The following MRPL42 variants were observed in gnomAD, a reference collection of about 807,000 sequenced individuals.
MRPL42 encodes the protein mitochondrial ribosomal protein L42.
MRPL42 carries 17 observed loss-of-function variants against 17.9 expected under a neutral mutation model. That is an observed-to-expected ratio of 0.95 (90% CI 0.65 to 1.42). MRPL42 has a LOEUF of 1.42. Among genes scored for constraint, MRPL42 ranks in the 40% most tolerant of loss-of-function variants. The pLI, the probability that MRPL42 is intolerant of heterozygous loss-of-function variation, is 0.00. For synonymous variants in MRPL42, 59 were observed against 54.4 expected (o/e 1.08, Z -0.37); for missense variants, 177 against 175.2 (o/e 1.01, Z -0.06).
chr12:93,475,754 G>A (rs61934321), intron 2 of MRPL42, among the ~76,000 whole-genome samples: 22,204 of 152,010 alleles, frequency 0.15, 2,144 homozygotes, highest in Non-Finnish European at 0.21. Flanking sequence ...GGAGGCCGAG[G>A]CAGGTGGATC....
intron 2 of MRPL42, among the ~76,000 whole-genome samples, chr12:93,473,845 G>A (rs1354826539): frequency 2.0e-5 from 3 of 152,180 alleles, no homozygotes; most frequent in Admixed American, 1.3e-4. Context: ...TGGTATTACA[G>A]GCGTGAGCCA....
rs567085867 is a variant in MRPL42, at chr12:93,475,152, TC to T, written c.71-1801del. ...TTTTTTTTGAGATGAAGTCTCACTC[TC>T]GCCCAGGCTGGAGTGCAATGGCACG... is the stretch of plus-strand genomic sequence containing the variant. On this transcript the variant is annotated intron_variant, in intron 2 of 5. Coordinates refer to ENST00000549982, the MANE Select transcript of MRPL42 (RefSeq NM_014050.4). Among the ~76,000 whole-genome samples, 472 of 151,960 alleles carry T rather than the reference TC, an allele frequency of 3.1e-3. 5 individuals carry two copies. Among genetic ancestry groups the T allele is most frequent in the African/African-American group, 0.011 (458 of 41,468 alleles).
intron 5 of MRPL42, among the ~76,000 whole-genome samples, chr12:93,494,730 C>T (rs991736757): frequency 6.6e-6 from 1 of 152,144 alleles, no homozygotes; most frequent in African/African-American, 2.4e-5. Context: ...GGACGAGATT[C>T]CTGTCCTAGA....
chr12:93,479,901 ATTTC>A (rs758162360), intron 4 of MRPL42, among the ~76,000 whole-genome samples: 2 of 144,696 alleles, frequency 1.4e-5, no homozygotes, highest in Non-Finnish European at 3.0e-5. Context: ...CATTTGGTGA[ATTTC>A]TTTATTTTTA....
intron 5 of MRPL42, among the ~76,000 whole-genome samples, chr12:93,494,691 A>G (rs1953463459): frequency 1.3e-5 from 2 of 152,186 alleles, no homozygotes; most frequent in African/African-American, 4.8e-5. Flanking sequence ...AGTCATCATC[A>G]CACAGATGGT....
intron 2 of MRPL42, among the ~76,000 whole-genome samples, chr12:93,471,372 C>G (rs1449420595): frequency 6.6e-6 from 1 of 152,064 alleles, no homozygotes; most frequent in African/African-American, 2.4e-5. Context: ...CCATGTTGGC[C>G]AGGCTGGTCT....
At chr12:93,482,896 C>CTT (rs11347110) in intron 4 of MRPL42, among the ~76,000 whole-genome samples, 1 of 145,912 alleles carries the variant, frequency 6.9e-6, no homozygotes, top group Non-Finnish European at 1.5e-5. Context: ...CAATCTGGTT[C>CTT]TTTTTTTTTT....
intron 2 of MRPL42, among the ~76,000 whole-genome samples, chr12:93,472,448 C>T (rs923435871): frequency 2.6e-5 from 4 of 152,038 alleles, no homozygotes; most frequent in African/African-American, 7.2e-5. Context: ...AGGTGGTACA[C>T]GCCTGTGGTC....
At chr12:93,487,380 C>T in intron 4 of MRPL42, 117 bp from the exon 5 acceptor site, 2 of 831,656 alleles carry the variant, frequency 2.4e-6, no homozygotes. Context: ...ACTTATTTGC[C>T]CACCCTAAAG....
Position 93,515,982 on chromosome 12 carries a change from G to C in MRPL42, c.*14761G>C, listed in dbSNP as rs1412669109. ...CTGCTACTTTACCAGTGACAGCTTTGTCCCAGCTCTAGTCTGCCTTCCCTA... is the reference window on the plus strand; with the variant it reads ...CTGCTACTTTACCAGTGACAGCTTTCTCCCAGCTCTAGTCTGCCTTCCCTA... On this transcript the variant is annotated 3_prime_UTR_variant, in exon 6 of 6. Transcript: ENST00000549982. 1 of 152,162 alleles carries C rather than the reference G, an allele frequency of 6.6e-6. No homozygotes were observed. Among genetic ancestry groups the C allele is most frequent in the Admixed American group, 6.6e-5 (1 of 15,266 alleles). The allele number at this position is 152,162 out of a possible 1,614,324, so 9.4% of individuals were successfully genotyped here. A position where few individuals can be genotyped will look rare whatever the true frequency, so the allele number is the denominator to read the frequency against.
Position 93,504,049 on chromosome 12 carries a change from T to A in MRPL42, c.*2828T>A, listed in dbSNP as rs1310963752. 1.3e-5 allele frequency: 2 copies of A among 153,668 alleles called. No individual in the cohort carries two copies. Among genetic ancestry groups the A allele is most frequent in the African/African-American group, 4.8e-5 (2 of 41,346 alleles). The allele number at this position is 153,668 out of a possible 1,614,324, so 9.5% of individuals were successfully genotyped here. On this transcript the variant is annotated 3_prime_UTR_variant, in exon 6 of 6. Coordinates refer to ENST00000549982, the MANE Select transcript of MRPL42 (RefSeq NM_014050.4). ...CATCAGAAGCTGGCAAGATCATTAC[T>A]GTTTTCTTAGATTTGTTTCTGTAAG...
rs1423830237 is a variant in MRPL42 at position 93,510,655 on chromosome 12, G to A, written c.*9434G>A. 1 of 152,166 alleles carries A rather than the reference G, an allele frequency of 6.6e-6. No individual in the cohort carries two copies. Among genetic ancestry groups the A allele is most frequent in the Non-Finnish European group, 1.5e-5 (1 of 68,032 alleles). 9.4% of individuals were successfully genotyped at this position (152,166 alleles called of 1,614,324 possible). On this transcript the variant is annotated 3_prime_UTR_variant, in exon 6 of 6. Coordinates refer to ENST00000549982, the MANE Select transcript of MRPL42 (RefSeq NM_014050.4). ...GCCATTCTAAAAGGTGTGTAGTGGT[G>A]TCTCACTTGTTTTGTGTTTTTCTCT...
intron 1 of MRPL42, among the ~76,000 whole-genome samples, chr12:93,468,868 A>G (rs893130221): frequency 4.6e-5 from 7 of 152,220 alleles, no homozygotes; most frequent in Middle Eastern, 3.4e-3. Context: ...AAGAATGAAT[A>G]CTCTGTGTAC....
intron 3 of MRPL42, among the ~76,000 whole-genome samples, chr12:93,478,665 CT>C (rs1331951196): frequency 6.6e-6 from 1 of 152,188 alleles, no homozygotes; most frequent in Non-Finnish European, 1.5e-5. Flanking sequence ...TTATATAAAA[CT>C]ATCTTCTCGT....
At chr12:93,471,056 T>G (rs7967526) in intron 2 of MRPL42, among the ~76,000 whole-genome samples, 6 of 151,976 alleles carry the variant, frequency 3.9e-5, no homozygotes, top group Admixed American at 1.3e-4. Context: ...GAATGGAGTA[T>G]AAGTAAAGTA....
chr12:93,485,848 C>A (rs528938535), intron 4 of MRPL42, among the ~76,000 whole-genome samples: 3 of 152,240 alleles, frequency 2.0e-5, no homozygotes, highest in South Asian at 4.1e-4. Context: ...CTCACTCTTG[C>A]TCAGGCAGGA....
At chr12:93,499,573 C>T (rs1953553396) in intron 5 of MRPL42, among the ~76,000 whole-genome samples, 1 of 151,988 alleles carries the variant, frequency 6.6e-6, no homozygotes, top group South Asian at 2.1e-4. Flanking sequence ...TGTACTAGTA[C>T]AACCTTGATT....
At position 93,470,494 on chromosome 12, in the gene MRPL42, G is replaced by A. The variant is rs376610664; in HGVS notation, c.70+1139G>A. On this transcript the variant is annotated intron_variant, in intron 2 of 5. Transcript: ENST00000549982. ...TTTATTTTTTATTTTAGATTCGGGC[G>A]TACATGTGCAGGTTTGTTACGTGGA... 102 of 1,285,954 alleles carry A rather than the reference G, an allele frequency of 7.9e-5. No homozygotes were observed. The Middle Eastern group carries it at 2.6e-3, about 33-fold the overall frequency. 79.7% of individuals were successfully genotyped at this position (1,285,954 alleles called of 1,614,324 possible). A position where few individuals can be genotyped will look rare whatever the true frequency, so the allele number is the denominator to read the frequency against.
chr12:93,481,660 T>G (rs1371772922), intron 4 of MRPL42, among the ~76,000 whole-genome samples: 1 of 152,222 alleles, frequency 6.6e-6, no homozygotes, highest in Admixed American at 6.5e-5. Context: ...TCTTGATCTC[T>G]CTCTACATCA....
Sources: allele counts gnomAD v4.1 joint callset (sites outside exome capture counted in the v4.1 genomes callset), GRCh38; gene constraint gnomAD v4.1.1; transcripts MANE v1.5; gene names NCBI Gene and HGNC (gene_info 2026-07-23, HGNC 2026-07-21).